TMEM74: variants seen among roughly 807,000 people sequenced by gnomAD.
TMEM74 encodes transmembrane protein 74.
A neutral mutation model predicts 18.1 loss-of-function variants in TMEM74; 13 were observed. The ratio of observed to expected loss-of-function variants is 0.72; its 90% confidence interval spans 0.47 to 1.14. The LOEUF (loss-of-function observed/expected upper bound fraction) is 1.14, where lower values mean the gene tolerates loss of function less well. Among genes scored for constraint, TMEM74 ranks in the 50% most tolerant of loss-of-function variants. TMEM74 has a pLI of 0.00. For missense variants in TMEM74, 372 were observed against 375.9 expected, an observed-to-expected ratio of 0.99 and a Z score of 0.09; for synonymous variants, 159 against 146.6, an observed-to-expected ratio of 1.08 and a Z score of -0.61.
At chr8:108,618,357 C>T (rs954572295) in intron 2 of TMEM74, among the ~76,000 whole-genome samples, 1 of 152,086 alleles carries the variant, frequency 6.6e-6, no homozygotes, top group African/African-American at 2.4e-5. Flanking sequence ...CTTGTTAGGT[C>T]TTTGCTTGAG....
chr8:108,740,881 C>A (rs1028250604), intron 1 of TMEM74, among the ~76,000 whole-genome samples: 2 of 152,084 alleles, frequency 1.3e-5, no homozygotes, highest in African/African-American at 4.8e-5. Flanking sequence ...AAACTATGTG[C>A]AAAATAGTTC....
At chr8:108,730,357 A>T (rs572656133) in intron 1 of TMEM74, among the ~76,000 whole-genome samples, 2 of 152,212 alleles carry the variant, frequency 1.3e-5, no homozygotes, top group South Asian at 4.1e-4. Flanking sequence ...GCAGGGCTGC[A>T]TTTAAACAGT....
chr8:108,616,549 AT>A (rs1257579473), intron 2 of TMEM74, among the ~76,000 whole-genome samples: 1 of 152,156 alleles, frequency 6.6e-6, no homozygotes, highest in African/African-American at 2.4e-5. Flanking sequence ...TAGGGCAAGA[AT>A]TATTTTATTA....
At chr8:108,612,717 G>T (rs1275620766) in intron 2 of TMEM74, among the ~76,000 whole-genome samples, 1 of 152,204 alleles carries the variant, frequency 6.6e-6, no homozygotes, top group African/African-American at 2.4e-5. Flanking sequence ...TAGAGAAGGT[G>T]GTTCAGCTCT....
chr8:108,663,835 T>A (rs1051509982), intron 1 of TMEM74, among the ~76,000 whole-genome samples: 1 of 152,140 alleles, frequency 6.6e-6, no homozygotes, highest in African/African-American at 2.4e-5. Flanking sequence ...TGGAAGCCAT[T>A]ATCTTCAGCA....
chr8:108,703,226 T>A (rs1486824972), intron 1 of TMEM74, among the ~76,000 whole-genome samples: 1 of 152,186 alleles, frequency 6.6e-6, no homozygotes, highest in Non-Finnish European at 1.5e-5. Flanking sequence ...TCTGAACAGA[T>A]CCTCTTATCC....
intron 1 of TMEM74, among the ~76,000 whole-genome samples, chr8:108,754,279 T>C (rs752878820): frequency 4.6e-5 from 7 of 152,148 alleles, no homozygotes; most frequent in Non-Finnish European, 1.0e-4. Context: ...TCTCATTTTA[T>C]ACTGTTAATA....
intron 1 of TMEM74, among the ~76,000 whole-genome samples, chr8:108,749,223 A>T (rs1813881240): frequency 6.6e-6 from 1 of 152,042 alleles, no homozygotes; most frequent in South Asian, 2.1e-4. Context: ...ATAGCACTGA[A>T]TCTCTAAATT....
At chr8:108,656,450 A>G (rs1299035953) in intron 1 of TMEM74, among the ~76,000 whole-genome samples, 2 of 152,152 alleles carry the variant, frequency 1.3e-5, no homozygotes, top group Non-Finnish European at 1.5e-5. Flanking sequence ...GGGTTTATTT[A>G]ATAGTCCATT....
chr8:108,647,342 G>A (rs569625382), intron 2 of TMEM74, among the ~76,000 whole-genome samples: 96 of 152,276 alleles, frequency 6.3e-4, no homozygotes, highest in Middle Eastern at 3.4e-3. Flanking sequence ...TGGCAAATCA[G>A]CATCCTTGGC....
At position 108,756,745 on chromosome 8, in the gene TMEM74, A is replaced by G. The variant is rs1343855776; in HGVS notation, n.119+30731T>C. On this transcript the variant is annotated intron_variant and non_coding_transcript_variant, in intron 1 of 3. Coordinates refer to the TMEM74 transcript ENST00000518838. ...GAGAAAGAAAGAAAGAGAAAGAAAGAAGGGAGGGAGGGAGGGAGGGAGGGG... is the reference window on the plus strand; with the variant it reads ...GAGAAAGAAAGAAAGAGAAAGAAAGGAGGGAGGGAGGGAGGGAGGGAGGGG... Among the ~76,000 whole-genome samples the G allele has an allele frequency of 7.2e-5, 8 of 111,418 alleles. No individual in the cohort carries two copies. In the South Asian group the frequency reaches 1.1e-3, roughly 16 times the overall value. 73.1% of individuals were successfully genotyped at this position (111,418 alleles called of 152,430 possible). A position where few individuals can be genotyped will look rare whatever the true frequency, so the allele number is the denominator to read the frequency against.
chr8:108,631,708 G>A (rs1406594381), intron 2 of TMEM74, among the ~76,000 whole-genome samples: 1 of 151,936 alleles, frequency 6.6e-6, no homozygotes, highest in Non-Finnish European at 1.5e-5. Flanking sequence ...CTGTACAGAG[G>A]CTCTTAGGTT....
intron 2 of TMEM74, among the ~76,000 whole-genome samples, chr8:108,612,829 C>T (rs1337472775): frequency 6.6e-6 from 1 of 152,254 alleles, no homozygotes; most frequent in East Asian, 1.9e-4. Flanking sequence ...TTCCCTAACT[C>T]AGTGTTCTGT....
intron 1 of TMEM74, among the ~76,000 whole-genome samples, chr8:108,661,631 C>T (rs1812900991): frequency 2.0e-5 from 3 of 151,992 alleles, no homozygotes; most frequent in Non-Finnish European, 4.4e-5. Flanking sequence ...CCATGTCTTA[C>T]GGAGAAGACA....
chr8:108,654,040 C>A (rs1012004060), intron 2 of TMEM74, among the ~76,000 whole-genome samples: 1 of 152,062 alleles, frequency 6.6e-6, no homozygotes, highest in Non-Finnish European at 1.5e-5. Flanking sequence ...TATTAAAAAG[C>A]AAACAGTGGT....
At chr8:108,691,139 T>C (rs1813223384) in intron 1 of TMEM74, among the ~76,000 whole-genome samples, 1 of 152,196 alleles carries the variant, frequency 6.6e-6, no homozygotes, top group Non-Finnish European at 1.5e-5. Flanking sequence ...TGTTTCTTGC[T>C]GAAGAGTCAC....
At chr8:108,768,393 C>G (rs541461162) in intron 1 of TMEM74, among the ~76,000 whole-genome samples, 3 of 152,234 alleles carry the variant, frequency 2.0e-5, no homozygotes, top group African/African-American at 7.2e-5. Context: ...CTATCCTCAC[C>G]TACTTTTCCA....
intron 1 of TMEM74, among the ~76,000 whole-genome samples, chr8:108,741,844 C>T (rs1390674187): frequency 6.6e-6 from 1 of 152,062 alleles, no homozygotes; most frequent in Non-Finnish European, 1.5e-5. Flanking sequence ...ATCGCTTTGG[C>T]CTACTAGAAT....
chr8:108,723,052 C>T (rs1226882949), intron 1 of TMEM74, among the ~76,000 whole-genome samples: 8 of 152,144 alleles, frequency 5.3e-5, no homozygotes, highest in African/African-American at 1.9e-4. Context: ...TGAGCACACA[C>T]GCATCTCTTT....
Sources: allele counts gnomAD v4.1 joint callset (sites outside exome capture counted in the v4.1 genomes callset), GRCh38; gene constraint gnomAD v4.1.1; transcripts MANE v1.5; gene names NCBI Gene and HGNC (gene_info 2026-07-23, HGNC 2026-07-21).